The following PRKCB variants were observed in gnomAD, a reference collection of about 807,000 sequenced individuals.
PRKCB encodes protein kinase C beta type.
In PRKCB, 13 loss-of-function variants were observed where a neutral mutation model predicts 81.5. That is an observed-to-expected ratio of 0.16 (90% CI 0.10 to 0.25). The LOEUF (loss-of-function observed/expected upper bound fraction) is 0.25, where lower values mean the gene tolerates loss of function less well. Ranked by LOEUF, PRKCB falls within the 10% of genes least tolerant of loss-of-function variation. The pLI, the probability that PRKCB is intolerant of heterozygous loss-of-function variation, is 1.00. For missense variants in PRKCB, 509 were observed against 875.7 expected, an observed-to-expected ratio of 0.58 and a Z score of 5.29; for synonymous variants, 335 against 321.4, an observed-to-expected ratio of 1.04 and a Z score of -0.45.
At chr16:23,986,426 A>G (rs960990358) in intron 2 of PRKCB, among the ~76,000 whole-genome samples, 6 of 151,698 alleles carry the variant, frequency 4.0e-5, no homozygotes, top group Non-Finnish European at 7.4e-5. Context: ...CTAATCTTTT[A>G]TTTTTTGTAG....
chr16:24,215,488 ACCCTCAT>A lies in PRKCB; in HGVS notation c.*676_*682del. On this transcript the variant is annotated 3_prime_UTR_variant, in exon 17 of 17. Coordinates refer to ENST00000643927, the MANE Select transcript of PRKCB (RefSeq NM_002738.7). Reference sequence around the variant, plus strand: ...TTTCTGATACTTTATGTCTTTGCTCACCCTCATCCCCAAACTACTTGAAAAGGGCATT... The same window carrying A: ...TTTCTGATACTTTATGTCTTTGCTCACCCCAAACTACTTGAAAAGGGCATT... 4.1e-6 allele frequency: 4 copies of A among 985,642 alleles called. No individual in the cohort carries two copies. The highest frequency in any genetic ancestry group is 4.8e-6 in the Non-Finnish European group (4 of 829,892). 61.1% of individuals were successfully genotyped at this position (985,642 alleles called of 1,614,324 possible). A position where few individuals can be genotyped will look rare whatever the true frequency, so the allele number is the denominator to read the frequency against.
At chr16:24,084,854 C>G (rs866864381) in intron 5 of PRKCB, among the ~76,000 whole-genome samples, 1 of 152,112 alleles carries the variant, frequency 6.6e-6, no homozygotes, top group Non-Finnish European at 1.5e-5. Context: ...ATAGGTTTGA[C>G]AAGCAGTGTG....
intron 2 of PRKCB, among the ~76,000 whole-genome samples, chr16:23,849,670 A>T (rs1221414397): frequency 7.0e-6 from 1 of 142,006 alleles, no homozygotes; most frequent in African/African-American, 2.6e-5. Flanking sequence ...TTGGATATTC[A>T]TCTTTTGGTG....
chr16:23,937,715 G>A (rs965691348), intron 2 of PRKCB, among the ~76,000 whole-genome samples: 1 of 152,306 alleles, frequency 6.6e-6, no homozygotes, highest in African/African-American at 2.4e-5. Flanking sequence ...AAGAGACTCA[G>A]CTTCGTACCA....
At chr16:23,904,733 C>T (rs895684859) in intron 2 of PRKCB, among the ~76,000 whole-genome samples, 2 of 152,108 alleles carry the variant, frequency 1.3e-5, no homozygotes, top group Admixed American at 6.6e-5. Flanking sequence ...GTAAGTGCTT[C>T]AGTGCTTTAT....
At chr16:23,933,006 G>C (rs1963999506) in intron 2 of PRKCB, among the ~76,000 whole-genome samples, 1 of 136,152 alleles carries the variant, frequency 7.3e-6, no homozygotes, top group South Asian at 2.3e-4. Context: ...CTGGGATTTG[G>C]AAGTGAGAAT....
At chr16:24,136,538 C>T (rs541422768) in intron 9 of PRKCB, among the ~76,000 whole-genome samples, 1 of 152,310 alleles carries the variant, frequency 6.6e-6, no homozygotes, top group East Asian at 1.9e-4. Context: ...GATGACATCT[C>T]TCTGCAGATA....
intron 3 of PRKCB, among the ~76,000 whole-genome samples, chr16:23,994,309 AACACATCCT>A (rs1453425890): frequency 8.2e-4 from 125 of 152,308 alleles, no homozygotes; most frequent in South Asian, 4.4e-3. Flanking sequence ...TGAGTCCCCA[AACACATCCT>A]GCAGTTATTT....
At chr16:24,124,716 A>C (rs1955007334) in intron 9 of PRKCB, among the ~76,000 whole-genome samples, 1 of 152,188 alleles carries the variant, frequency 6.6e-6, no homozygotes, top group Non-Finnish European at 1.5e-5. Context: ...TGCGTGCCAC[A>C]AAGATGTCTA....
intron 2 of PRKCB, among the ~76,000 whole-genome samples, chr16:23,881,839 A>T (rs11864224): frequency 4.6e-5 from 7 of 151,886 alleles, no homozygotes; most frequent in South Asian, 2.1e-4. Context: ...CTTCCTCCCC[A>T]CCGAGCCTCT....
At chr16:24,180,582 T>C (rs1967602467) in intron 12 of PRKCB, among the ~76,000 whole-genome samples, 1 of 152,136 alleles carries the variant, frequency 6.6e-6, no homozygotes, top group Admixed American at 6.5e-5. Context: ...CACAGTTGGC[T>C]GTGTAGAAAA....
At chr16:24,177,555 C>G (rs1263317741) in intron 12 of PRKCB, among the ~76,000 whole-genome samples, 1 of 152,192 alleles carries the variant, frequency 6.6e-6, no homozygotes, top group Non-Finnish European at 1.5e-5. Context: ...CAAGCTCTGA[C>G]AGTTGGTCAT....
At chr16:24,054,674 A>G (rs537836990) in intron 5 of PRKCB, among the ~76,000 whole-genome samples, 7 of 152,292 alleles carry the variant, frequency 4.6e-5, no homozygotes, top group Admixed American at 6.5e-5. Flanking sequence ...GAGGGAGGAA[A>G]AGGTTCTTTT....
intron 3 of PRKCB, among the ~76,000 whole-genome samples, chr16:23,999,861 A>T (rs1965009526): frequency 6.6e-6 from 1 of 152,132 alleles, no homozygotes; most frequent in South Asian, 2.1e-4. Context: ...GTGTCTGTGG[A>T]TAGCTGGTTG....
At chr16:24,137,478 G>A (rs1038534442) in intron 9 of PRKCB, among the ~76,000 whole-genome samples, 6 of 152,158 alleles carry the variant, frequency 3.9e-5, no homozygotes, top group South Asian at 2.1e-4. Context: ...TGTGAGTCAC[G>A]TCGCTGGGCC....
intron 2 of PRKCB, among the ~76,000 whole-genome samples, chr16:23,951,472 T>C: frequency 6.6e-6 from 1 of 152,120 alleles, no homozygotes; most frequent in East Asian, 1.9e-4. Flanking sequence ...TCACCCAGGC[T>C]GGGGTACAGT....
At chr16:24,173,123 T>A (rs198163) in intron 11 of PRKCB, among the ~76,000 whole-genome samples, 1 of 151,794 alleles carries the variant, frequency 6.6e-6, no homozygotes, top group Non-Finnish European at 1.5e-5. Flanking sequence ...CTTCACTCCA[T>A]GGGGGTGAAG....
intron 8 of PRKCB, among the ~76,000 whole-genome samples, chr16:24,120,849 T>C (rs1443611792): frequency 2.0e-5 from 3 of 152,104 alleles, no homozygotes; most frequent in African/African-American, 4.8e-5. Context: ...TCCTCCCACC[T>C]CAGCCTCCCG....
chr16:23,931,191 C>A (rs988633672), intron 2 of PRKCB, among the ~76,000 whole-genome samples: 7 of 152,204 alleles, frequency 4.6e-5, no homozygotes, highest in African/African-American at 1.7e-4. Context: ...CCGCTGTTAG[C>A]CCCAGGAGCT....
Sources: gnomAD v4.1 joint callset for allele counts (sites outside exome capture counted in the v4.1 genomes callset) on GRCh38, gnomAD v4.1.1 for gene constraint, MANE v1.5 for transcripts, NCBI Gene and HGNC (gene_info 2026-07-23, HGNC 2026-07-21) for gene names.